CAMK1D: variants seen among roughly 807,000 people sequenced by gnomAD.
CAMK1D encodes the protein calcium/calmodulin dependent protein kinase ID, also known as calcium/calmodulin-dependent protein kinase type 1D.
In CAMK1D, 9 loss-of-function variants were observed where a neutral mutation model predicts 47.7. The ratio of observed to expected loss-of-function variants is 0.19; its 90% CI spans 0.11 to 0.33. The LOEUF is 0.33. Among genes scored for constraint, CAMK1D ranks in the 10% least tolerant of loss-of-function variants. CAMK1D has a pLI of 1.00. For missense variants in CAMK1D, 291 were observed against 488.7 expected, an observed-to-expected ratio of 0.60 and a Z score of 3.81; for synonymous variants, 184 against 184.9, an observed-to-expected ratio of 0.99 and a Z score of 0.04.
intron 2 of CAMK1D, among the ~76,000 whole-genome samples, chr10:12,565,900 C>G (rs1163390991): frequency 6.6e-6 from 1 of 151,950 alleles, no homozygotes; most frequent in Non-Finnish European, 1.5e-5. Flanking sequence ...CAATAGCCCA[C>G]TCTAGGTAGG....
intron 1 of CAMK1D, among the ~76,000 whole-genome samples, chr10:12,398,411 C>T (rs1440413995): frequency 2.0e-5 from 3 of 152,080 alleles, no homozygotes. Context: ...TGCAGTGGTG[C>T]GGTCTCAGCT....
intron 3 of CAMK1D, among the ~76,000 whole-genome samples, chr10:12,751,119 AAGATAAGAAGGCTTC>A (rs1835959530): frequency 3.7e-5 from 3 of 81,856 alleles, no homozygotes; most frequent in Admixed American, 2.6e-4. Context: ...AAGATAAGAT[AAGATAAGAAGGCTTC>A]AGAAGGCTTC....
At chr10:12,401,988 C>T (rs909516757) in intron 1 of CAMK1D, among the ~76,000 whole-genome samples, 11 of 151,798 alleles carry the variant, frequency 7.2e-5, no homozygotes, top group Non-Finnish European at 1.2e-4. Context: ...CTCCGCCTGC[C>T]GGGTTCAAGC....
chr10:12,496,997 T>A (rs923327118), intron 1 of CAMK1D, among the ~76,000 whole-genome samples: 5 of 152,224 alleles, frequency 3.3e-5, no homozygotes, highest in Non-Finnish European at 7.3e-5. Flanking sequence ...GTGTTTGGTT[T>A]CCTGTTACTG....
At chr10:12,541,842 T>TCTTTTC (rs374911157) in intron 1 of CAMK1D, among the ~76,000 whole-genome samples, 1 of 116,608 alleles carries the variant, frequency 8.6e-6, no homozygotes, top group Non-Finnish European at 1.7e-5. Flanking sequence ...CTGTGTTTTA[T>TCTTTTC]CTTCCTTCCT....
intron 1 of CAMK1D, among the ~76,000 whole-genome samples, chr10:12,449,248 G>C (rs1318850579): frequency 1.3e-5 from 2 of 152,060 alleles, no homozygotes; most frequent in Non-Finnish European, 2.9e-5. Flanking sequence ...TCCTCATTGG[G>C]AGCACGTAGA....
chr10:12,620,912 C>T (rs1431008360), intron 2 of CAMK1D, among the ~76,000 whole-genome samples: 1 of 152,160 alleles, frequency 6.6e-6, no homozygotes, highest in Non-Finnish European at 1.5e-5. Flanking sequence ...CTACGTTAAA[C>T]TCCATGACCC....
chr10:12,521,572 C>T (rs192116496), intron 1 of CAMK1D, among the ~76,000 whole-genome samples: 1 of 152,132 alleles, frequency 6.6e-6, no homozygotes, highest in Non-Finnish European at 1.5e-5. Context: ...TTGTGTTCTG[C>T]CATTAGTGAG....
intron 1 of CAMK1D, among the ~76,000 whole-genome samples, chr10:12,440,240 A>G (rs921525867): frequency 6.6e-6 from 1 of 151,706 alleles, no homozygotes; most frequent in Admixed American, 6.6e-5. Context: ...ATTATGAAAC[A>G]GTAGGTCTTT....
chr10:12,578,352 C>T (rs549766524), intron 2 of CAMK1D, among the ~76,000 whole-genome samples: 1 of 152,078 alleles, frequency 6.6e-6, no homozygotes. Flanking sequence ...GGATGGATCA[C>T]CTGAGGTCAG....
intron 2 of CAMK1D, among the ~76,000 whole-genome samples, chr10:12,561,890 C>G (rs1437961872): frequency 6.6e-6 from 1 of 152,168 alleles, no homozygotes; most frequent in African/African-American, 2.4e-5. Flanking sequence ...ATATCCCATA[C>G]TACAAAACAA....
At position 12,369,975 on chromosome 10, in the gene CAMK1D, GTTA is replaced by G. The variant is rs575464577; in HGVS notation, c.92+20069_92+20071del. Among the ~76,000 whole-genome samples, 979 of 149,580 alleles carry G rather than the reference GTTA, an allele frequency of 6.5e-3. 6 individuals carry two copies. Among genetic ancestry groups the G allele is most frequent in the African/African-American group, 0.022 (917 of 40,968 alleles). On this transcript the variant is annotated intron_variant, in intron 1 of 10. Transcript: ENST00000619168. ...TGTCTCAAAAAAAAAAAAGCATTAC[GTTA>G]TTAATATATTAAATATTAAATTATT...
chr10:12,381,956 C>T (rs560724260), intron 1 of CAMK1D, among the ~76,000 whole-genome samples: 8 of 152,226 alleles, frequency 5.3e-5, no homozygotes, highest in South Asian at 4.1e-4. Flanking sequence ...TATATACTCA[C>T]GACACTTCTG....
chr10:12,487,019 AAAC>A, intron 1 of CAMK1D, among the ~76,000 whole-genome samples: 1 of 152,330 alleles, frequency 6.6e-6, no homozygotes, highest in Admixed American at 6.5e-5. Flanking sequence ...AAAAGAAAAA[AAAC>A]ACCTTTTATT....
At chr10:12,647,533 T>C (rs1462818928) in intron 2 of CAMK1D, among the ~76,000 whole-genome samples, 1 of 152,212 alleles carries the variant, frequency 6.6e-6, no homozygotes, top group African/African-American at 2.4e-5. Flanking sequence ...AAAGCAGTTG[T>C]TGTAAATATA....
chr10:12,553,117 A>G, intron 1 of CAMK1D, 108 bp from the exon 2 acceptor site: 2 of 1,575,506 alleles, frequency 1.3e-6, no homozygotes, highest in Non-Finnish European at 8.6e-7. Flanking sequence ...AATGCTTACA[A>G]CTGTGCCGTC....
In CAMK1D at chr10:12,704,158, T is replaced by A. The variant is rs559602353; in HGVS notation, c.299+37348T>A. Among the ~76,000 whole-genome samples, 22 of 152,344 alleles carry A rather than the reference T, an allele frequency of 1.4e-4. No individual in the cohort carries two copies. The South Asian group carries it at 4.3e-3, about 30-fold the overall frequency. On this transcript the variant is annotated intron_variant, in intron 3 of 10. Coordinates refer to ENST00000619168, the MANE Select transcript of CAMK1D (RefSeq NM_153498.4). ...ACTGCAGGTGTGTCCATAGCTGTGC[T>A]ATATTCATCCCTTTTTTTCCAGCTT... is the stretch of plus-strand genomic sequence containing the variant.
chr10:12,437,057 G>A (rs963139570), intron 1 of CAMK1D, among the ~76,000 whole-genome samples: 1 of 152,112 alleles, frequency 6.6e-6, no homozygotes, highest in African/African-American at 2.4e-5. Flanking sequence ...AGCAAGGAGT[G>A]GTGGTGACGT....
In CAMK1D at chr10:12,569,030, A is replaced by C. The variant is rs568461927; in HGVS notation, c.224+15674A>C. On this transcript the variant is annotated intron_variant, in intron 2 of 10. Coordinates refer to ENST00000619168, the MANE Select transcript of CAMK1D (RefSeq NM_153498.4). ...GAGTGTAATATAAACTTCCAAATGG[A>C]AACTGTTCTGAAGAAAATACTGACT... 5.3e-5 allele frequency among the ~76,000 whole-genome samples: 8 copies of C among 152,326 alleles called. No homozygotes were observed. In the East Asian group the frequency reaches 1.5e-3, roughly 29 times the overall value.
Sources: allele counts gnomAD v4.1 joint callset (sites outside exome capture counted in the v4.1 genomes callset), GRCh38; gene constraint gnomAD v4.1.1; transcripts MANE v1.5; gene names NCBI Gene and HGNC (gene_info 2026-07-23, HGNC 2026-07-21).